Variants in SLC5A11 observed in about 807,000 individuals in gnomAD.
The protein encoded by SLC5A11 is sodium/myo-inositol cotransporter 2.
Under a neutral mutation model 69.8 loss-of-function variants are expected in SLC5A11, and 48 were observed. The observed-to-expected ratio is 0.69, with a 90% CI of 0.55 to 0.87. The LOEUF (loss-of-function observed/expected upper bound fraction) is 0.87, where lower values mean the gene tolerates loss of function less well. Ranked by LOEUF, SLC5A11 falls within the 40% of genes least tolerant of loss-of-function variation. SLC5A11 has a pLI of 0.00. For synonymous variants in SLC5A11, 319 were observed against 342.4 expected (o/e 0.93, Z 0.75); for missense variants, 784 against 866.1 (o/e 0.91, Z 1.19).
At chr16:24,848,986 T>C (rs905074640) in intron 1 of SLC5A11, among the ~76,000 whole-genome samples, 1 of 152,022 alleles carries the variant, frequency 6.6e-6, no homozygotes, top group Non-Finnish European at 1.5e-5. Context: ...TGGGAGTGAA[T>C]AGATTCTGGG....
At chr16:24,893,468 C>G (rs2048950009) in intron 9 of SLC5A11, among the ~76,000 whole-genome samples, 1 of 152,062 alleles carries the variant, frequency 6.6e-6, no homozygotes. Flanking sequence ...GACAATTTCA[C>G]CTGCCCAGGT....
chr16:24,905,770 C>T (rs1310201285), intron 10 of SLC5A11, among the ~76,000 whole-genome samples: 1 of 152,102 alleles, frequency 6.6e-6, no homozygotes. Context: ...GGCCATAATA[C>T]TTACTAGCAA....
chr16:24,905,789 G>A (rs190274201), intron 10 of SLC5A11, among the ~76,000 whole-genome samples: 1 of 152,038 alleles, frequency 6.6e-6, no homozygotes, highest in African/African-American at 2.4e-5. Flanking sequence ...AATATAATCT[G>A]GAGAAACTAA....
intron 1 of SLC5A11, 65 bp downstream of exon 2, chr16:24,846,503 G>C (rs1396175940): frequency 4.6e-5 from 7 of 152,862 alleles, no homozygotes; most frequent in African/African-American, 1.4e-4. Flanking sequence ...TCTGGGGACA[G>C]GTGCTGGCAG....
intron 5 of SLC5A11, among the ~76,000 whole-genome samples, chr16:24,873,350 G>C (rs1042537971): frequency 5.9e-5 from 9 of 152,106 alleles, no homozygotes; most frequent in African/African-American, 2.2e-4. Context: ...CACAATGCTG[G>C]CTGGGCACAG....
chr16:24,901,972 A>G (rs954790886), intron 10 of SLC5A11, among the ~76,000 whole-genome samples: 4 of 140,054 alleles, frequency 2.9e-5, no homozygotes, highest in East Asian at 2.0e-4. Flanking sequence ...ACACACACAC[A>G]CACACACACA....
At chr16:24,884,222 C>G in intron 8 of SLC5A11, 91 bp downstream of exon 9, 1 of 1,284,840 alleles carries the variant, frequency 7.8e-7, no homozygotes, top group Non-Finnish European at 1.1e-6. Flanking sequence ...GCAAACCTAG[C>G]TGTCAAAGAG....
intron 8 of SLC5A11, among the ~76,000 whole-genome samples, chr16:24,884,824 T>C (rs1271053286): frequency 6.6e-6 from 1 of 152,088 alleles, no homozygotes; most frequent in African/African-American, 2.4e-5. Flanking sequence ...CACTGCAACC[T>C]CTGCCTCCTG....
chr16:24,904,989 T>G (rs981320949), intron 10 of SLC5A11, among the ~76,000 whole-genome samples: 6 of 152,098 alleles, frequency 3.9e-5, no homozygotes, highest in Non-Finnish European at 8.8e-5. Flanking sequence ...CCTCCTTGTG[T>G]CCATGTGTTC....
At chr16:24,897,507 A>T (rs150739709) in intron 9 of SLC5A11, among the ~76,000 whole-genome samples, 6 of 152,324 alleles carry the variant, frequency 3.9e-5, no homozygotes, top group Non-Finnish European at 8.8e-5. Context: ...GCAAACCAAG[A>T]TCCTAAGTCT....
At chr16:24,855,507 A>G (rs2059490625) in intron 1 of SLC5A11, among the ~76,000 whole-genome samples, 1 of 151,584 alleles carries the variant, frequency 6.6e-6, no homozygotes, top group Admixed American at 6.6e-5. Context: ...AGGCTGAGGC[A>G]GGAGGATCTC....
Position 24,897,817 on chromosome 16 carries a change from A to G in SLC5A11, c.871-157A>G, listed in dbSNP as rs986976298. Among the ~76,000 whole-genome samples the G allele has an allele frequency of 2.6e-5, 4 of 152,348 alleles. 1 individual carries two copies. The highest frequency in any genetic ancestry group is 6.5e-5 in the Admixed American group (1 of 15,304). On this transcript the variant is annotated intron_variant, in intron 9 of 15. Coordinates refer to ENST00000347898, the Ensembl canonical transcript of SLC5A11. ...ACATATTCACTACCATGAGAACAGT[A>G]TGGAGGAAACTGCCCCCATGATTCA...
intron 1 of SLC5A11, among the ~76,000 whole-genome samples, chr16:24,849,593 A>AAAAAAAAAAAAAAAAATATATATAT: frequency 2.8e-5 from 1 of 35,908 alleles, no homozygotes; most frequent in Non-Finnish European, 5.6e-5. Flanking sequence ...AAAAAAAAAA[A>AAAAAAAAAAAAAAAAATATATATAT]ATATATATAT....
At chr16:24,847,204 C>T (rs1178958152) in intron 1 of SLC5A11, among the ~76,000 whole-genome samples, 3 of 145,260 alleles carry the variant, frequency 2.1e-5, no homozygotes, top group Non-Finnish European at 3.1e-5. Flanking sequence ...TCTTTTATTT[C>T]TTTCCTTATT....
intron 8 of SLC5A11, among the ~76,000 whole-genome samples, chr16:24,884,519 T>G (rs1462788169): frequency 2.0e-5 from 3 of 147,024 alleles, no homozygotes; most frequent in South Asian, 2.2e-4. Flanking sequence ...TTTTGTTTTT[T>G]TTTTTTTTTT....
chr16:24,911,446 A>C, exon 16 of SLC5A11: 1 of 1,614,176 alleles, frequency 6.2e-7, no homozygotes, highest in Non-Finnish European at 8.5e-7. Flanking sequence ...TTTCCCTGGA[A>C]GAAAACCCCT....
chr16:24,854,104 T>C (rs1549238), intron 1 of SLC5A11, among the ~76,000 whole-genome samples: 77,163 of 151,884 alleles, frequency 0.51, 22,146 homozygotes, highest in African/African-American at 0.8. Context: ...CTTCTCCCAC[T>C]GCTCTCTCGG....
chr16:24,865,123 A>G (rs1193537373), intron 3 of SLC5A11, among the ~76,000 whole-genome samples: 3 of 152,186 alleles, frequency 2.0e-5, no homozygotes, highest in African/African-American at 7.2e-5. Context: ...AAATTTTATT[A>G]ACAATATTAA....
chr16:24,888,779 T>C lies in SLC5A11; in HGVS notation c.665-2090T>C, dbSNP rs780044636. 1.5e-3 allele frequency among the ~76,000 whole-genome samples: 188 copies of C among 125,154 alleles called. 1 individual carries two copies. Among genetic ancestry groups the C allele is most frequent in the Middle Eastern group, 4.6e-3 (1 of 216 alleles). The allele number at this position is 125,154 out of a possible 152,430, so 82.1% of individuals were successfully genotyped here. A position where few individuals can be genotyped will look rare whatever the true frequency, so the allele number is the denominator to read the frequency against. On this transcript the variant is annotated intron_variant, in intron 8 of 15. Coordinates refer to ENST00000347898, the Ensembl canonical transcript of SLC5A11. ...GATTACAGGTGTGAGCCACCGTGCC[T>C]GTCCTTTTTTTTTTTTTTTTTTTTT...
Sources: allele counts gnomAD v4.1 joint callset (sites outside exome capture counted in the v4.1 genomes callset), GRCh38; gene constraint gnomAD v4.1.1; transcripts MANE v1.5; gene names NCBI Gene and HGNC (gene_info 2026-07-23, HGNC 2026-07-21).